The following MTERF4 variants were observed in gnomAD, a reference collection of about 807,000 sequenced individuals.
MTERF4 encodes mitochondrial transcription termination factor 4.
Under a neutral mutation model 22.5 loss-of-function variants are expected in MTERF4, and 17 were observed. The observed-to-expected ratio is 0.75, with a 90% confidence interval of 0.52 to 1.13. The LOEUF is 1.13. Among genes scored for constraint, MTERF4 ranks in the 50% most tolerant of loss-of-function variants. The probability of loss-of-function intolerance (pLI) is 0.00; values close to 1 mark genes in which losing one functional copy is unlikely to be tolerated. For missense variants in MTERF4, 420 were observed against 466.8 expected (o/e 0.90, Z 0.92); for synonymous variants, 165 against 175.3 (o/e 0.94, Z 0.47).
rs761086445 is a variant in MTERF4, at chr2:241,096,001, TTCC to T, written c.1140_1142del (p.Glu381del). 8 of 1,613,716 alleles carry T rather than the reference TTCC, an allele frequency of 5.0e-6. No homozygotes were observed. The highest frequency in any genetic ancestry group is 5.9e-6 in the Non-Finnish European group (7 of 1,179,774). ...CGCTCTAGTCCTTCCATCACAGCTATTCCTCCTCGTCGTCGTCCTCATCCTCAT... is the reference window on the plus strand; with the variant it reads ...CGCTCTAGTCCTTCCATCACAGCTATTCCTCGTCGTCGTCCTCATCCTCAT... On this transcript the variant is annotated inframe_deletion, in exon 4 of 4. Transcript: ENST00000391980. The surrounding 1 kb of genome is among the most constrained non-coding windows in gnomAD (Gnocchi z 5.1).
chr2:241,078,396 AAAG>A (rs1293984165), intron 4 of MTERF4, among the ~76,000 whole-genome samples: 23 of 148,938 alleles, frequency 1.5e-4, no homozygotes, highest in East Asian at 4.1e-4. Flanking sequence ...AAAAAAAAAA[AAAG>A]AAAGAAAGAA....
the MTERF4 span, among the ~76,000 whole-genome samples, chr2:241,056,741 C>A: frequency 2.6e-5 from 4 of 151,764 alleles, no homozygotes; most frequent in Non-Finnish European, 5.9e-5. Context: ...TCACCACGCC[C>A]GGCTAATTTT....
rs2064624810 is a variant in MTERF4 at position 241,099,862 on chromosome 2, G to T, written c.54C>A (p.Thr18=). The T allele has an allele frequency of 6.2e-7, 1 of 1,613,684 alleles. No homozygotes were observed. The highest frequency in any genetic ancestry group is 1.1e-5 in the South Asian group (1 of 91,084). ...VLDWHRLIPL[T]WACMARQTPH... Reference sequence around the variant, plus strand: ...GAGTCTGCCTAGCCATACAGGCCCAGGTGAGGGGGATCAGGCGGTGCCAAT... The same window carrying T: ...GAGTCTGCCTAGCCATACAGGCCCATGTGAGGGGGATCAGGCGGTGCCAAT... Residue 18 remains threonine, a synonymous_variant, in exon 2 of 4, where the codon ACC becomes ACA. Coordinates refer to ENST00000391980, the MANE Select transcript of MTERF4 (RefSeq NM_182501.4).
intron 1 of MTERF4, chr2:241,101,116 C>A (rs1170780526): frequency 4.4e-6 from 2 of 458,236 alleles, no homozygotes; most frequent in African/African-American, 4.0e-5. Context: ...CACTTTATTT[C>A]TGTTATTTTC....
At chr2:241,100,017 C>T in intron 1 of MTERF4, 123 bp from the exon 2 acceptor site, 1 of 1,237,330 alleles carries the variant, frequency 8.1e-7, no homozygotes, top group Non-Finnish European at 1.1e-6. Flanking sequence ...TTTTTATAAG[C>T]AATCTGCAAA....
the MTERF4 span, chr2:241,052,392 G>C: frequency 6.3e-7 from 1 of 1,594,068 alleles, no homozygotes; most frequent in Middle Eastern, 1.7e-4. Flanking sequence ...GTGTGAATGG[G>C]GGCACCTGCG....
At chr2:241,082,136 C>T, downstream of MTERF4, 1 of 662,994 alleles carries the variant, frequency 1.5e-6, no homozygotes, top group Non-Finnish European at 2.6e-6. Context: ...GCTGCAGACC[C>T]CCGGGCCCTC....
At chr2:241,046,602 C>CTA in the MTERF4 span, among the ~76,000 whole-genome samples, 1 of 152,140 alleles carries the variant, frequency 6.6e-6, no homozygotes, top group African/African-American at 2.4e-5. Context: ...TAAAACAAAA[C>CTA]TATAGTGATG....
At chr2:241,046,640 G>A in the MTERF4 span, among the ~76,000 whole-genome samples, 14 of 152,176 alleles carry the variant, frequency 9.2e-5, no homozygotes, top group Non-Finnish European at 1.9e-4. Flanking sequence ...CAGGGACTGA[G>A]GGGTAACAGG....
chr2:241,061,294 G>T, the MTERF4 span, among the ~76,000 whole-genome samples: 1 of 152,150 alleles, frequency 6.6e-6, no homozygotes, highest in East Asian at 1.9e-4. Flanking sequence ...AGTAATCAGG[G>T]AAATGCAAAT....
the MTERF4 span, among the ~76,000 whole-genome samples, chr2:241,058,881 C>T: frequency 3.0e-3 from 457 of 151,648 alleles, no homozygotes; most frequent in African/African-American, 0.01. Flanking sequence ...ACCTGGGAGG[C>T]GGAGCTTGCA....
the MTERF4 span, chr2:241,065,268 C>T: frequency 6.2e-7 from 1 of 1,610,208 alleles, no homozygotes; most frequent in Admixed American, 1.7e-5. Context: ...CTGACCAGTC[C>T]CCTCCCCTTG....
downstream of MTERF4, chr2:241,088,026 TGCA>T: frequency 2.5e-6 from 1 of 405,982 alleles, no homozygotes. Flanking sequence ...GGCCGCAGCC[TGCA>T]GCTCACCAGC....
the MTERF4 span, chr2:241,048,854 TC>T: frequency 7.9e-7 from 1 of 1,267,434 alleles, no homozygotes; most frequent in Non-Finnish European, 1.1e-6. Flanking sequence ...GGTCCGTAGG[TC>T]CAGACTGTCG....
chr2:241,092,681 C>G (rs954518017), downstream of MTERF4: 2 of 152,242 alleles, frequency 1.3e-5, no homozygotes, highest in East Asian at 1.9e-4. This position sits in a 1 kb window ranked among gnomAD's most constrained non-coding sequence, Gnocchi z 4.6. Context: ...CTGGGCTGGG[C>G]TGGACAATGT....
intron 4 of MTERF4, among the ~76,000 whole-genome samples, chr2:241,078,235 T>G (rs2063131761): frequency 2.0e-5 from 3 of 151,420 alleles, no homozygotes; most frequent in Non-Finnish European, 4.4e-5. Flanking sequence ...ATACAAAAAT[T>G]AGCTGGGCGT....
Position 241,099,857 on chromosome 2 carries a change from GC to G in MTERF4, c.58del (p.Ala20ProfsTer24). 6.2e-7 allele frequency: 1 copy of G among 1,613,766 alleles called. No homozygotes were observed. The highest frequency in any genetic ancestry group is 8.5e-7 in the Non-Finnish European group (1 of 1,180,040). Reference sequence around the variant, plus strand: ...ATGAGGAGTCTGCCTAGCCATACAGGCCCAGGTGAGGGGGATCAGGCGGTGC... The same window carrying G: ...ATGAGGAGTCTGCCTAGCCATACAGGCCAGGTGAGGGGGATCAGGCGGTGC... ...DWHRLIPLTW[A>X]CMARQTPHLG... On this transcript the variant is annotated frameshift_variant, in exon 2 of 4. Transcript: ENST00000391980. LOFTEE classifies it high-confidence loss of function.
chr2:241,078,439 C>T (rs1320224736), intron 4 of MTERF4, among the ~76,000 whole-genome samples: 1 of 151,136 alleles, frequency 6.6e-6, no homozygotes, highest in Non-Finnish European at 1.5e-5. Context: ...ATGGTATATC[C>T]ACTCAATGGA....
chr2:241,054,262 G>A, the MTERF4 span, among the ~76,000 whole-genome samples: 1 of 152,116 alleles, frequency 6.6e-6, no homozygotes, highest in East Asian at 1.9e-4. Flanking sequence ...CCAGGATATC[G>A]AGACACCTGA....
Sources: allele counts gnomAD v4.1 joint callset (sites outside exome capture counted in the v4.1 genomes callset), GRCh38; gene constraint gnomAD v4.1.1; non-coding constraint Gnocchi (gnomAD v3.1); transcripts MANE v1.5; gene names NCBI Gene and HGNC (gene_info 2026-07-23, HGNC 2026-07-21).